The following KRT23 variants were observed in gnomAD, a reference collection of about 807,000 sequenced individuals.
KRT23 encodes keratin, type I cytoskeletal 23.
KRT23 carries 38 observed loss-of-function variants against 47.6 expected under a neutral mutation model. That is an observed-to-expected ratio of 0.80 (90% confidence interval 0.62 to 1.05). The LOEUF (loss-of-function observed/expected upper bound fraction) is 1.05. KRT23 is among the 50% of genes least tolerant of loss of function. The pLI is 0.00. For missense variants in KRT23, 503 were observed against 529.5 expected, an observed-to-expected ratio of 0.95 and a Z score of 0.49; for synonymous variants, 191 against 199.0, an observed-to-expected ratio of 0.96 and a Z score of 0.34.
intron 2 of KRT23, 56 bp from the exon 3 acceptor site, chr17:40,931,511 T>C: frequency 1.6e-6 from 2 of 1,253,202 alleles, no homozygotes; most frequent in Non-Finnish European, 2.3e-6. Context: ...CACCCACACA[T>C]GACCGCTGCA....
At chr17:40,934,769 A>T (rs1233112869) in intron 2 of KRT23, among the ~76,000 whole-genome samples, 1 of 152,194 alleles carries the variant, frequency 6.6e-6, no homozygotes, top group Non-Finnish European at 1.5e-5. Flanking sequence ...CCAAGCTTCC[A>T]TTTCCTTACA....
intron 7 of KRT23, chr17:40,925,080 C>A: frequency 2.3e-6 from 1 of 442,838 alleles, no homozygotes; most frequent in Non-Finnish European, 4.0e-6. Context: ...TGCATTCCTA[C>A]TGGGAAACAC....
At chr17:40,928,679 A>C in intron 4 of KRT23, 72 bp from the exon 5 acceptor site, 1 of 1,366,942 alleles carries the variant, frequency 7.3e-7, no homozygotes. Flanking sequence ...GTTGATTGGC[A>C]GTGGTAAATA....
At chr17:40,929,756 C>T (rs1178545421) in intron 4 of KRT23, 184 bp downstream of exon 4, 1 of 502,718 alleles carries the variant, frequency 2.0e-6, no homozygotes, top group African/African-American at 1.9e-5. Flanking sequence ...TTGTATTTGA[C>T]ATGTGACTAG....
chr17:40,932,334 A>G (rs1909753907), intron 2 of KRT23, among the ~76,000 whole-genome samples: 1 of 152,222 alleles, frequency 6.6e-6, no homozygotes, highest in Non-Finnish European at 1.5e-5. Flanking sequence ...GCAAGTGTGT[A>G]TACATTTATG....
rs781604684 is a variant in KRT23, at chr17:40,924,461, A to G, written c.1174+11T>C. On this transcript the variant is annotated intron_variant, in intron 8 of 8. Transcript: ENST00000209718. ...AAAACAGAGATTCAAACAATGAAGG[A>G]AATTTTTTACCTTTCATGCTCGACT... The G allele has an allele frequency of 1.2e-6, 2 of 1,609,844 alleles. No individual in the cohort carries two copies.
intron 4 of KRT23, 94 bp from the exon 5 acceptor site, chr17:40,928,701 C>T (rs1909409802): frequency 8.5e-7 from 1 of 1,179,372 alleles, no homozygotes; most frequent in Non-Finnish European, 1.2e-6. Context: ...ATCTTTTAAA[C>T]ATTCCGATTA....
In KRT23 at chr17:40,925,401, C is replaced by G. The variant is rs1214510725; in HGVS notation, c.1095G>C (p.Glu365Asp). Residue 365 changes from glutamate (E) to aspartate (D), a missense_variant, in exon 7 of 9, where the codon GAG becomes GAC. Transcript: ENST00000209718. ...GCCGTCGGTACGTGGTGATTTCCTT[C>G]TCCAGGTGGGTTTTGATGCCCAGCA... The part of the protein sequence containing the change: ...QVLLGIKTHL[E>D]KEITTYRRLL... 6.2e-7 allele frequency: 1 copy of G among 1,614,046 alleles called. No individual in the cohort carries two copies. Among genetic ancestry groups the G allele is most frequent in the South Asian group, 1.1e-5 (1 of 91,074 alleles).
At chr17:40,936,149 C>T in intron 2 of KRT23, 59 bp downstream of exon 2, 1 of 1,593,946 alleles carries the variant, frequency 6.3e-7, no homozygotes, top group Non-Finnish European at 8.6e-7. Context: ...ATTTTTCCTC[C>T]CGAGGGTCCC....
rs766813414 is a variant in KRT23, at chr17:40,931,384, G to A, written c.468C>T (p.Asp156=). The change falls in exon 3 of 9, where the codon GAC becomes GAT. Residue 156 remains aspartate (D), a synonymous_variant. Transcript: ENST00000209718. ...AAGAAGGAACTTACTTGAGGTTGAAGTCATCCACTGCCATCCTGGCATTGT... is the reference window on the plus strand; with the variant it reads ...AAGAAGGAACTTACTTGAGGTTGAAATCATCCACTGCCATCCTGGCATTGT... The part of the protein sequence containing the change: ...LIDNARMAVD[D]FNLKYENEHS... The A allele has an allele frequency of 3.1e-6, 5 of 1,610,366 alleles. No individual in the cohort carries two copies. The highest frequency in any genetic ancestry group is 1.3e-5 in the African/African-American group (1 of 74,864).
chr17:40,924,510 A>T lies in KRT23; in HGVS notation c.1143-7T>A. 6.2e-7 allele frequency: 1 copy of T among 1,612,290 alleles called. No homozygotes were observed. On this transcript the variant is annotated splice_region_variant and splice_polypyrimidine_tract_variant and intron_variant, in intron 7 of 8. Coordinates refer to ENST00000209718, the MANE Select transcript of KRT23 (RefSeq NM_015515.5). ...CTTTGATTCTTCCCGTGTCCTATAA[A>T]AGTGATAAAGGTTAAAGCTCACTTT...
rs761322060 is a variant in KRT23, at chr17:40,936,441, G to C, written c.163C>G (p.Pro55Ala). 1.1e-5 allele frequency: 18 copies of C among 1,610,242 alleles called. No homozygotes were observed. Among genetic ancestry groups the C allele is most frequent in the Middle Eastern group, 1.7e-4 (1 of 6,060 alleles). The part of the protein sequence containing the change: ...LSFTTRSCPP[P>A]GGSWGSGRSS... Reference sequence around the variant, plus strand: ...CTTCCAGAACCCCAAGACCCTCCAGGGGGTGGGCAGCTCCGCGTGGTGAAG... The same window carrying C: ...CTTCCAGAACCCCAAGACCCTCCAGCGGGTGGGCAGCTCCGCGTGGTGAAG... Residue 55 changes from proline (P) to alanine (A), a missense_variant, in exon 2 of 9, where the codon CCT (proline) becomes GCT (alanine). Pro to Ala is a conservative substitution (Grantham distance 27, BLOSUM62 -1). Coordinates refer to ENST00000209718, the MANE Select transcript of KRT23 (RefSeq NM_015515.5).
intron 2 of KRT23, among the ~76,000 whole-genome samples, chr17:40,935,624 C>T (rs956621745): frequency 6.6e-6 from 1 of 152,194 alleles, no homozygotes; most frequent in Non-Finnish European, 1.5e-5. Context: ...CTGCAAGCAA[C>T]CCACAAACGG....
chr17:40,931,012 C>CTTTTTTT (rs1165590099), intron 3 of KRT23, among the ~76,000 whole-genome samples: 3 of 120,824 alleles, frequency 2.5e-5, no homozygotes, highest in African/African-American at 9.8e-5. Context: ...ATGAGTTTTC[C>CTTTTTTT]TTTTTTTTTT....
intron 6 of KRT23, among the ~76,000 whole-genome samples, chr17:40,926,491 G>A (rs1361313019): frequency 3.9e-5 from 6 of 152,142 alleles, no homozygotes; most frequent in East Asian, 3.9e-4. Context: ...GAAAGCAATC[G>A]GGAGAGACCG....
chr17:40,937,022 A>C (rs1438330316), intron 1 of KRT23, 69 bp from the exon 2 acceptor site: 1 of 166,918 alleles, frequency 6.0e-6, no homozygotes, highest in African/African-American at 2.4e-5. Context: ...TTCCTTAAAA[A>C]AAACCAAAAA....
intron 8 of KRT23, 77 bp from the exon 9 acceptor site, chr17:40,923,160 C>A: frequency 2.7e-6 from 3 of 1,117,738 alleles, no homozygotes; most frequent in South Asian, 1.3e-5. Flanking sequence ...CATTTCTCTG[C>A]TGTCAGCCCC....
At chr17:40,934,951 G>A (rs143983612) in intron 2 of KRT23, among the ~76,000 whole-genome samples, 103 of 151,724 alleles carry the variant, frequency 6.8e-4, no homozygotes, top group African/African-American at 1.8e-3. Flanking sequence ...AATCTCTTCC[G>A]CGAGCTCATA....
chr17:40,923,044 G>A lies in KRT23; in HGVS notation c.1214C>T (p.Thr405Ile), dbSNP rs748222056. The A allele has an allele frequency of 4.3e-6, 7 of 1,614,026 alleles. No homozygotes were observed. Among genetic ancestry groups the A allele is most frequent in the Non-Finnish European group, 5.9e-6 (7 of 1,179,936 alleles). ...TPKIKAITQE[T>I]INGRLVLCQV... ...ACAAAGAACTAATCTTCCGTTGATG[G>A]TCTCCTGGGTTATGGCCTTGATCTT... The change falls in exon 9 of 9, where the codon ACC becomes ATC. Residue 405 changes from threonine to isoleucine, a missense_variant. Thr to Ile is a moderately conservative substitution (Grantham distance 89). Coordinates refer to ENST00000209718, the MANE Select transcript of KRT23 (RefSeq NM_015515.5).
Sources: allele counts gnomAD v4.1 joint callset (sites outside exome capture counted in the v4.1 genomes callset), GRCh38; gene constraint gnomAD v4.1.1; transcripts MANE v1.5; gene names NCBI Gene and HGNC (gene_info 2026-07-23, HGNC 2026-07-21).